RINT1: variants seen among roughly 807,000 people sequenced by gnomAD.
RINT1 encodes the protein RAD50 interactor 1.
A neutral mutation model predicts 97.7 loss-of-function variants in RINT1; 75 were observed. The ratio of observed to expected loss-of-function variants is 0.77; its 90% CI spans 0.64 to 0.93. The LOEUF (loss-of-function observed/expected upper bound fraction) is 0.93. Among genes scored for constraint, RINT1 ranks in the 40% least tolerant of loss-of-function variants. RINT1 has a pLI of 0.00. For synonymous variants in RINT1, 303 were observed against 326.3 expected (o/e 0.93, Z 0.77); for missense variants, 892 against 925.2 (o/e 0.96, Z 0.47).
chr7:105,551,771 A>G, intron 10 of RINT1, 64 bp downstream of exon 10: 1 of 1,411,712 alleles, frequency 7.1e-7, no homozygotes, highest in Non-Finnish European at 9.7e-7. Context: ...GTAGTTTTTA[A>G]AGTAGCTCAG....
chr7:105,551,522 A>G, intron 9 of RINT1, 48 bp from the exon 10 acceptor site: 1 of 1,473,270 alleles, frequency 6.8e-7, no homozygotes, highest in South Asian at 1.4e-5. Context: ...AATAATTAGG[A>G]ACGACTGTAA....
chr7:105,545,731 A>G (rs1260402865), intron 4 of RINT1, among the ~76,000 whole-genome samples: 1 of 148,970 alleles, frequency 6.7e-6, no homozygotes, highest in African/African-American at 2.5e-5. Flanking sequence ...GGTTTCACCA[A>G]GTTGGCCAGG....
At chr7:105,564,668 A>G (rs1728645) in intron 12 of RINT1, among the ~76,000 whole-genome samples, 45,196 of 152,018 alleles carry the variant, frequency 0.3, 7,382 homozygotes, top group African/African-American at 0.44. Context: ...TGTTTTTACT[A>G]AAAATTAGAG....
intron 12 of RINT1, among the ~76,000 whole-genome samples, chr7:105,564,441 A>G (rs1040237976): frequency 2.6e-5 from 4 of 152,156 alleles, no homozygotes; most frequent in African/African-American, 9.7e-5. Flanking sequence ...AAATATATCA[A>G]TAGGATAGTG....
At position 105,532,876 on chromosome 7, in the gene RINT1, C is replaced by T; in HGVS notation, c.88+7C>T. 6.2e-7 allele frequency: 1 copy of T among 1,613,840 alleles called. No individual in the cohort carries two copies. The highest frequency in any genetic ancestry group is 1.1e-5 in the South Asian group (1 of 91,080). ...AAGAACCTCGAGGAGAAAAGTAAGC[C>T]AGCTCCAAACACCTTAGCTTTTTCT... On this transcript the variant is annotated splice_region_variant and intron_variant, in intron 2 of 14. Coordinates refer to ENST00000257700, the MANE Select transcript of RINT1 (RefSeq NM_021930.6).
rs112798451 is a variant in RINT1 at position 105,564,976 on chromosome 7, A to G, written c.1887-301A>G. 5.9e-3 allele frequency: 1,277 copies of G among 216,346 alleles called. 17 individuals are homozygous for G. Among genetic ancestry groups the G allele is most frequent in the African/African-American group, 0.028 (1,207 of 43,630 alleles). 13.4% of individuals were successfully genotyped at this position (216,346 alleles called of 1,614,324 possible). ...GAGACTCTGTCTCAAAAAAAAAGAAAAACTACATAAATAAAATGCAAAAAT... is the reference window on the plus strand; with the variant it reads ...GAGACTCTGTCTCAAAAAAAAAGAAGAACTACATAAATAAAATGCAAAAAT... On this transcript the variant is annotated intron_variant, in intron 12 of 14. Coordinates refer to ENST00000257700, the MANE Select transcript of RINT1 (RefSeq NM_021930.6).
rs765104724 is a variant in RINT1, at chr7:105,567,100, CTTT to C, written c.2187-18_2187-16del. On this transcript the variant is annotated splice_polypyrimidine_tract_variant and intron_variant, in intron 14 of 14. Coordinates refer to ENST00000257700, the MANE Select transcript of RINT1 (RefSeq NM_021930.6). ...AGATAATGGAGATCTCATTTCCCTC[CTTT>C]GTTTTCCCTAAACAGTATAAAAGAA... The C allele has an allele frequency of 2.1e-6, 3 of 1,458,040 alleles. No homozygotes were observed. The highest frequency in any genetic ancestry group is 2.7e-6 in the Non-Finnish European group (3 of 1,099,112). The allele number at this position is 1,458,040 out of a possible 1,614,324, so 90.3% of individuals were successfully genotyped here. A position where few individuals can be genotyped will look rare whatever the true frequency, so the allele number is the denominator to read the frequency against.
In RINT1 at chr7:105,550,360, G is replaced by A. The variant is rs1289113738; in HGVS notation, c.1207G>A (p.Asp403Asn). 4 of 1,614,088 alleles carry A rather than the reference G, an allele frequency of 2.5e-6. No homozygotes were observed. Among genetic ancestry groups the A allele is most frequent in the Non-Finnish European group, 3.4e-6 (4 of 1,179,994 alleles). The change falls in exon 9 of 15, where the codon GAT becomes AAT. Residue 403 changes from aspartate (D) to asparagine (N), a missense_variant. Asp to Asn is a conservative substitution (Grantham distance 23). Transcript: ENST00000257700. Reference protein sequence around the residue: ...YDDNLFCHLVDEVLLFERELH... With the variant: ...YDDNLFCHLVNEVLLFERELH... ...TGACAATCTCTTCTGTCATTTGGTGGATGAAGTACTCTTGTTTGAAAGGGA... is the reference window on the plus strand; with the variant it reads ...TGACAATCTCTTCTGTCATTTGGTGAATGAAGTACTCTTGTTTGAAAGGGA...
chr7:105,556,524 T>TAA (rs146857983), intron 11 of RINT1, among the ~76,000 whole-genome samples: 18 of 151,142 alleles, frequency 1.2e-4, no homozygotes, highest in Non-Finnish European at 2.5e-4. Context: ...AGAACTCTTT[T>TAA]AAAAAAAAAC....
chr7:105,535,539 A>C (rs1790197506), intron 2 of RINT1: 2 of 450,102 alleles, frequency 4.4e-6, no homozygotes, highest in Admixed American at 2.4e-5. Context: ...AACCTTTTTT[A>C]CTTTTTTGTT....
At chr7:105,561,811 G>A (rs989170692) in intron 11 of RINT1, among the ~76,000 whole-genome samples, 3 of 151,864 alleles carry the variant, frequency 2.0e-5, no homozygotes, top group Admixed American at 6.6e-5. Context: ...ATCCACCTGC[G>A]TCAGCCTCCC....
chr7:105,546,398 A>G (rs996852024), intron 4 of RINT1, among the ~76,000 whole-genome samples: 2 of 152,184 alleles, frequency 1.3e-5, no homozygotes, highest in Non-Finnish European at 2.9e-5. Flanking sequence ...AGAAGAATGC[A>G]GAAGTAGAGG....
chr7:105,537,509 T>C (rs571452991), intron 3 of RINT1, among the ~76,000 whole-genome samples: 2 of 152,020 alleles, frequency 1.3e-5, no homozygotes, highest in South Asian at 2.1e-4. Flanking sequence ...TATTTCTGTG[T>C]GGTTGGTTGA....
chr7:105,538,442 C>T (rs929239997), intron 3 of RINT1, among the ~76,000 whole-genome samples: 1 of 152,224 alleles, frequency 6.6e-6, no homozygotes, highest in Non-Finnish European at 1.5e-5. Flanking sequence ...TACTGCTAGT[C>T]TTCAAGTTTA....
At position 105,567,409 on chromosome 7, in the gene RINT1, G is replaced by A; in HGVS notation, c.*98G>A. Reference sequence around the variant, plus strand: ...GATGAAATTCTGAATTAATGAAACTGGAAAACTTTATAGAATTACTTATTA... The same window carrying A: ...GATGAAATTCTGAATTAATGAAACTAGAAAACTTTATAGAATTACTTATTA... On this transcript the variant is annotated 3_prime_UTR_variant, in exon 15 of 15. Transcript: ENST00000257700. 2.4e-6 allele frequency: 2 copies of A among 848,070 alleles called. No individual in the cohort carries two copies. The highest frequency in any genetic ancestry group is 3.0e-5 in the South Asian group (2 of 66,714). 52.5% of individuals were successfully genotyped at this position (848,070 alleles called of 1,614,324 possible).
chr7:105,550,795 T>G lies in RINT1; in HGVS notation c.1333+309T>G, dbSNP rs1790893258. Among the ~76,000 whole-genome samples the G allele has an allele frequency of 2.0e-5, 3 of 152,128 alleles. No individual in the cohort carries two copies. The South Asian group carries it at 6.2e-4, about 32-fold the overall frequency. ...TTTGGGACAGACTCTTGCTCTGTTGTCCAGGCTAAAGTGCAGTAGTTTGAT... is the reference window on the plus strand; with the variant it reads ...TTTGGGACAGACTCTTGCTCTGTTGGCCAGGCTAAAGTGCAGTAGTTTGAT... On this transcript the variant is annotated intron_variant, in intron 9 of 14. Transcript: ENST00000257700.
chr7:105,542,749 T>C (rs1304274821), intron 4 of RINT1, 100 bp downstream of exon 4: 1 of 1,165,034 alleles, frequency 8.6e-7, no homozygotes, highest in Non-Finnish European at 1.1e-6. Flanking sequence ...TAATTAAAGA[T>C]TATAATAATA....
In RINT1 at chr7:105,548,564, C is replaced by G. The variant is rs1790782018; in HGVS notation, c.850C>G (p.Leu284Val). The change falls in exon 7 of 15, where the codon CTT (leucine) becomes GTT (valine). Residue 284 changes from leucine to valine, a missense_variant. Transcript: ENST00000257700. Reference protein sequence around the residue: ...LLKLQTSDELLTEPKQLPEKY... With the variant: ...LLKLQTSDELVTEPKQLPEKY... ...ACTTGATTATGTCAGAGATGAATTACTTACTGAGCCAAAGCAACTCCCAGA... is the reference window on the plus strand; with the variant it reads ...ACTTGATTATGTCAGAGATGAATTAGTTACTGAGCCAAAGCAACTCCCAGA... The G allele has an allele frequency of 6.2e-7, 1 of 1,614,034 alleles. No individual in the cohort carries two copies. The highest frequency in any genetic ancestry group is 8.5e-7 in the Non-Finnish European group (1 of 1,179,964).
At chr7:105,537,397 C>T (rs935022252) in intron 3 of RINT1, among the ~76,000 whole-genome samples, 39 of 151,234 alleles carry the variant, frequency 2.6e-4, no homozygotes, top group South Asian at 2.1e-4. Flanking sequence ...CCCATAGTTC[C>T]GGGATTACAG....
Sources: allele counts gnomAD v4.1 joint callset (sites outside exome capture counted in the v4.1 genomes callset), GRCh38; gene constraint gnomAD v4.1.1; transcripts MANE v1.5; gene names NCBI Gene and HGNC (gene_info 2026-07-23, HGNC 2026-07-21).